FGD2: variants seen among roughly 807,000 people sequenced by gnomAD.
The protein encoded by FGD2 is FYVE, RhoGEF and PH domain-containing protein 2.
In FGD2, 52 loss-of-function variants were observed where a neutral mutation model predicts 75.9. That is an observed-to-expected ratio of 0.69 (90% CI 0.55 to 0.86). FGD2 has a LOEUF of 0.86. Ranked by LOEUF, FGD2 falls within the 40% of genes least tolerant of loss-of-function variation. The probability of loss-of-function intolerance (pLI) is 0.00; values close to 1 mark genes in which losing one functional copy is unlikely to be tolerated. For missense variants in FGD2, 790 were observed against 872.0 expected (o/e 0.91, Z 1.18); for synonymous variants, 347 against 348.6 (o/e 1.00, Z 0.05).
intron 1 of FGD2, among the ~76,000 whole-genome samples, chr6:37,007,535 G>A (rs1764810890): frequency 6.6e-6 from 1 of 152,242 alleles, no homozygotes; most frequent in Non-Finnish European, 1.5e-5. Context: ...ACCCTGGCAG[G>A]AGTGGGCAGC....
intron 12 of FGD2, 124 bp downstream of exon 12, chr6:37,021,728 G>C (rs546339664): frequency 1.1e-6 from 1 of 902,448 alleles, no homozygotes; most frequent in Non-Finnish European, 1.7e-6. Context: ...AGACTGAAGG[G>C]ACCAGGGGAA....
intron 9 of FGD2, among the ~76,000 whole-genome samples, chr6:37,020,000 G>A (rs1765495809): frequency 6.6e-6 from 1 of 151,962 alleles, no homozygotes; most frequent in South Asian, 2.1e-4. Context: ...TGACAGGCAT[G>A]CGCCACCATG....
chr6:37,021,820 G>A lies in FGD2; in HGVS notation c.1326+216G>A, dbSNP rs956284839. On this transcript the variant is annotated intron_variant, in intron 12 of 15. Coordinates refer to ENST00000274963, the MANE Select transcript of FGD2 (RefSeq NM_173558.4). ...CCTTTGAGAGCCTGTCTGCACAGCT[G>A]TCTTGGGGAAGTGTTTCACGTCTCT... The A allele has an allele frequency of 5.5e-6, 3 of 542,856 alleles. No individual in the cohort carries two copies. The African/African-American group carries it at 5.7e-5, about 10-fold the overall frequency. 33.6% of individuals were successfully genotyped at this position (542,856 alleles called of 1,614,324 possible).
At position 37,027,539 on chromosome 6, in the gene FGD2, T is replaced by C; in HGVS notation, c.1716T>C (p.Asp572=). 5.6e-6 allele frequency: 9 copies of C among 1,614,152 alleles called. No homozygotes were observed. The highest frequency in any genetic ancestry group is 5.9e-6 in the Non-Finnish European group (7 of 1,180,004). ...GPRGWCVIPR[D]DPLVLYVYAA... ...GGGGCTGGTGTGTGATCCCTCGGGATGACCCCCTCGTGCTCTATGTCTATG... is the reference window on the plus strand; with the variant it reads ...GGGGCTGGTGTGTGATCCCTCGGGACGACCCCCTCGTGCTCTATGTCTATG... The change falls in exon 15 of 16, where the codon GAT becomes GAC. Residue 572 remains aspartate, a synonymous_variant. Transcript: ENST00000274963.
At chr6:37,025,482 G>A (rs986846792) in intron 13 of FGD2, 1 of 392,960 alleles carries the variant, frequency 2.5e-6, no homozygotes, top group South Asian at 3.2e-5. Flanking sequence ...AGCCCCTTGG[G>A]TTCACAGCAG....
Position 37,027,517 on chromosome 6 carries a change from G to A in FGD2, c.1694G>A (p.Gly565Asp). 2 of 1,614,152 alleles carry A rather than the reference G, an allele frequency of 1.2e-6. No individual in the cohort carries two copies. Among genetic ancestry groups the A allele is most frequent in the African/African-American group, 1.3e-5 (1 of 75,052 alleles). The change falls in exon 15 of 16, where the codon GGC (glycine) becomes GAC (aspartate). Residue 565 changes from glycine to aspartate, a missense_variant. Physicochemically the swap from Gly to Asp is moderately conservative, Grantham distance 94. Coordinates refer to ENST00000274963, the MANE Select transcript of FGD2 (RefSeq NM_173558.4). ...AAGTGGGGCAAGAGCGGCCCCCGGG[G>A]CTGGTGTGTGATCCCTCGGGATGAC... ...GDKWGKSGPR[G>D]WCVIPRDDPL...
Position 37,028,419 on chromosome 6 carries a change from T to C in FGD2, c.*256T>C. On this transcript the variant is annotated 3_prime_UTR_variant, in exon 16 of 16. Transcript: ENST00000274963. ...TCCTGGGCCATGGGACTTCCAGTGC[T>C]AAAACTGGGAAAGCCCCAGGTAACC... 1 of 464,382 alleles carries C rather than the reference T, an allele frequency of 2.2e-6. No homozygotes were observed. Among genetic ancestry groups the C allele is most frequent in the Non-Finnish European group, 3.8e-6 (1 of 260,582 alleles). The allele number at this position is 464,382 out of a possible 1,614,324, so 28.8% of individuals were successfully genotyped here. A position where few individuals can be genotyped will look rare whatever the true frequency, so the allele number is the denominator to read the frequency against.
At position 37,028,087 on chromosome 6, in the gene FGD2, G is replaced by T. The variant is rs1342565500; in HGVS notation, c.1892G>T (p.Arg631Leu). Residue 631 changes from arginine (R) to leucine (L), a missense_variant, in exon 16 of 16, where the codon CGC becomes CTC. Physicochemically the swap from Arg to Leu is moderately radical, Grantham distance 102. Transcript: ENST00000274963. ...GCCGAGACGGAGGAGCTGAAGGGCC[G>T]CTGGGTGAAGGCCATGGAGCGGGCG... ...FKAETEELKG[R>L]WVKAMERAAS... is the part of the protein sequence containing the mutation. 1.2e-6 allele frequency: 2 copies of T among 1,613,348 alleles called. No individual in the cohort carries two copies. Among genetic ancestry groups the T allele is most frequent in the South Asian group, 1.1e-5 (1 of 91,060 alleles).
At chr6:37,013,413 C>G in intron 4 of FGD2, 196 bp from the exon 5 acceptor site, 6 of 1,392,652 alleles carry the variant, frequency 4.3e-6, no homozygotes, top group Non-Finnish European at 5.6e-6. Context: ...ACCAGAACAG[C>G]CTTTGGCCTC....
At position 37,028,020 on chromosome 6, in the gene FGD2, G is replaced by C; in HGVS notation, c.1825G>C (p.Val609Leu). 2 of 1,613,694 alleles carry C rather than the reference G, an allele frequency of 1.2e-6. No individual in the cohort carries two copies. Among genetic ancestry groups the C allele is most frequent in the Non-Finnish European group, 1.7e-6 (2 of 1,179,868 alleles). The change falls in exon 16 of 16, where the codon GTC (valine) becomes CTC (leucine). Residue 609 changes from valine (V) to leucine (L), a missense_variant. By Grantham distance (32) the Val-to-Leu change is conservative (BLOSUM62 1). Coordinates refer to ENST00000274963, the MANE Select transcript of FGD2 (RefSeq NM_173558.4). ...VTVGPQGDPR[V>L]FQLQQSGQLY... ...TGTTGGGCCCCAGGGGGACCCTCGG[G>C]TCTTCCAGCTACAGCAGTCAGGCCA...
chr6:37,021,864 G>A (rs991069585), intron 12 of FGD2: 1 of 498,446 alleles, frequency 2.0e-6, no homozygotes, highest in African/African-American at 1.9e-5. Flanking sequence ...AGCTGCAGGG[G>A]GCAGTAGGGT....
chr6:37,013,358 T>C, intron 4 of FGD2: 1 of 1,006,872 alleles, frequency 9.9e-7, no homozygotes, highest in South Asian at 2.5e-5. Context: ...ACACCTGCTG[T>C]GGGCCCAACA....
chr6:37,012,002 T>C (rs1254430800), intron 4 of FGD2, 148 bp downstream of exon 4: 3 of 822,476 alleles, frequency 3.6e-6, no homozygotes, highest in African/African-American at 1.7e-5. Context: ...GTCTGCACAG[T>C]GAAGGGCTTG....
At chr6:37,009,111 C>A in intron 2 of FGD2, 46 bp downstream of exon 2, 1 of 1,558,446 alleles carries the variant, frequency 6.4e-7, no homozygotes. Flanking sequence ...GGGTGGGGAG[C>A]TCTCCCTGAC....
intron 6 of FGD2, chr6:37,014,397 C>T (rs1008982691): frequency 1.6e-6 from 1 of 620,020 alleles, no homozygotes; most frequent in African/African-American, 1.8e-5. Flanking sequence ...CTAGGTCTGG[C>T]TTGTTTTGGG....
rs545182947 is a variant in FGD2 at position 37,014,921 on chromosome 6, C to T, written c.912C>T (p.Tyr304=). The T allele has an allele frequency of 1.5e-5, 24 of 1,614,084 alleles. No individual in the cohort carries two copies. The East Asian group carries it at 4.0e-4, about 27-fold the overall frequency. ...MERLQDLWEV[Y]QRLGLEDDIV... is the part of the protein sequence containing the mutation. ...GGCTGCAGGACCTGTGGGAGGTGTA[C>T]CAGCGCCTGGGCCTCGAGGACGACA... Residue 304 remains tyrosine (Y), a synonymous_variant, in exon 8 of 16, where the codon TAC becomes TAT. Transcript: ENST00000274963.
At chr6:37,015,526 G>A (rs1765241865) in intron 8 of FGD2, among the ~76,000 whole-genome samples, 1 of 152,184 alleles carries the variant, frequency 6.6e-6, no homozygotes, top group African/African-American at 2.4e-5. Flanking sequence ...TCTGAGGTCT[G>A]CTATGGTCCC....
At chr6:37,021,749 C>T (rs141701382) in intron 12 of FGD2, 145 bp downstream of exon 12, 41 of 717,706 alleles carry the variant, frequency 5.7e-5, no homozygotes, top group Middle Eastern at 6.0e-4. Flanking sequence ...GCCTTCCCAG[C>T]GCATCCCCCG....
rs761835247 is a variant in FGD2 at position 37,013,966 on chromosome 6, G to A, written c.689G>A (p.Ser230Asn). ...FQEVLTRIQS[S>N]EASGSLTLQH... The stretch of plus-strand genomic sequence containing the variant: ...GCTCCCCCATCCCTCCCCAAGAGCA[G>A]CGAGGCTTCGGGCAGCCTGACCCTG... The change falls in exon 6 of 16, where the codon AGC becomes AAC. Residue 230 changes from serine (S) to asparagine (N), a missense_variant. By Grantham distance (46) the Ser-to-Asn change is conservative (BLOSUM62 1). Coordinates refer to ENST00000274963, the MANE Select transcript of FGD2 (RefSeq NM_173558.4). The A allele has an allele frequency of 6.2e-7, 1 of 1,613,378 alleles. No individual in the cohort carries two copies. The highest frequency in any genetic ancestry group is 8.5e-7 in the Non-Finnish European group (1 of 1,179,580).
Sources: allele counts gnomAD v4.1 joint callset (sites outside exome capture counted in the v4.1 genomes callset), GRCh38; gene constraint gnomAD v4.1.1; transcripts MANE v1.5; gene names NCBI Gene and HGNC (gene_info 2026-07-23, HGNC 2026-07-21).